The following ZNF778 variants were observed in gnomAD, a reference collection of about 807,000 sequenced individuals.
ZNF778 encodes zinc finger protein 778.
Under a neutral mutation model 23.9 loss-of-function variants are expected in ZNF778, and 37 were observed. The ratio of observed to expected loss-of-function variants is 1.54; its 90% confidence interval spans 1.19 to 2.03. The LOEUF (loss-of-function observed/expected upper bound fraction) is 2.03. ZNF778 is among the 30% of genes most tolerant of loss of function. ZNF778 has a pLI of 0.00. For missense variants in ZNF778, 1,297 were observed against 934.4 expected (o/e 1.39, Z -5.06); for synonymous variants, 483 against 343.9 (o/e 1.40, Z -4.48).
rs764260598 is a variant in ZNF778, at chr16:89,226,834, T to C, written c.546T>C (p.Phe182=). 1.1e-5 allele frequency: 18 copies of C among 1,613,898 alleles called. No individual in the cohort carries two copies. In the East Asian group the frequency reaches 4.0e-4, roughly 36 times the overall value. ...SCVSNHYERD[F]FIPCQKTLFK... ...TGTCTAATCATTATGAAAGGGACTTTTTTATTCCATGCCAGAAAACCTTGT... is the reference window on the plus strand; with the variant it reads ...TGTCTAATCATTATGAAAGGGACTTCTTTATTCCATGCCAGAAAACCTTGT... The change falls in exon 7 of 7, where the codon TTT becomes TTC. Residue 182 remains phenylalanine (F), a synonymous_variant. Coordinates refer to ENST00000433976, the MANE Select transcript of ZNF778 (RefSeq NM_001201407.2).
chr16:89,228,090 C>T lies in ZNF778; in HGVS notation c.1802C>T (p.Ser601Phe). The T allele has an allele frequency of 6.2e-7, 1 of 1,613,020 alleles. No homozygotes were observed. The highest frequency in any genetic ancestry group is 8.5e-7 in the Non-Finnish European group (1 of 1,179,168). ...GACTGTGGGAAAACATTCACTGTTT[C>T]TTCGAGCCTAACCGAGCACATACGA... Reference protein sequence around the residue: ...CKDCGKTFTVSSSLTEHIRTH... With the variant: ...CKDCGKTFTVFSSLTEHIRTH... Residue 601 changes from serine (S) to phenylalanine (F), a missense_variant, in exon 7 of 7, where the codon TCT becomes TTT. Physicochemically the swap from Ser to Phe is radical, Grantham distance 155. Coordinates refer to ENST00000433976, the MANE Select transcript of ZNF778 (RefSeq NM_001201407.2).
chr16:89,224,625 T>C (rs1236338523), intron 4 of ZNF778, 94 bp from the exon 5 acceptor site: 4 of 938,488 alleles, frequency 4.3e-6, no homozygotes, highest in East Asian at 2.7e-5. Flanking sequence ...TCTCAAAAAA[T>C]AATAAAAAAA....
rs1188243902 is a variant in ZNF778, at chr16:89,233,732, G to A, written c.*5170G>A. On this transcript the variant is annotated 3_prime_UTR_variant, in exon 7 of 7. Coordinates refer to ENST00000433976, the MANE Select transcript of ZNF778 (RefSeq NM_001201407.2). ...ACTCACTGCGTATGCAACTCAACTC[G>A]CACTGCATATGCAACTCAACTCGCA... 2.3e-4 allele frequency: 227 copies of A among 996,120 alleles called. 12 individuals are homozygous for A. The highest frequency in any genetic ancestry group is 2.6e-4 in the Non-Finnish European group (205 of 798,704). The allele number at this position is 996,120 out of a possible 1,614,324, so 61.7% of individuals were successfully genotyped here. A position where few individuals can be genotyped will look rare whatever the true frequency, so the allele number is the denominator to read the frequency against.
At chr16:89,221,190 C>T (rs1339745048) in intron 2 of ZNF778, 38 bp downstream of exon 2, 1 of 1,487,136 alleles carries the variant, frequency 6.7e-7, no homozygotes, top group Non-Finnish European at 9.0e-7. Context: ...AGCCTCTGCT[C>T]TAGGTCCTGA....
In ZNF778 at chr16:89,228,589, C is replaced by G. The variant is rs60990096; in HGVS notation, c.*27C>G. The stretch of plus-strand genomic sequence containing the variant: ...GTAAAGAATGTGGGGAAGCTGTCAG[C>G]TACACTCATTCACGTTGAAGACATG... On this transcript the variant is annotated 3_prime_UTR_variant, in exon 7 of 7. Coordinates refer to ENST00000433976, the MANE Select transcript of ZNF778 (RefSeq NM_001201407.2). 2,134 of 1,543,740 alleles carry G rather than the reference C, an allele frequency of 1.4e-3. 32 individuals are homozygous for G. In the African/African-American group the frequency reaches 0.026, roughly 19 times the overall value.
At chr16:89,222,486 C>A (rs964855042) in intron 3 of ZNF778, among the ~76,000 whole-genome samples, 34 of 152,220 alleles carry the variant, frequency 2.2e-4, no homozygotes, top group Non-Finnish European at 2.9e-5. Context: ...GCCTCAGCCT[C>A]CCAAGTAGCT....
chr16:89,227,862 G>A lies in ZNF778; in HGVS notation c.1574G>A (p.Arg525Gln), dbSNP rs747362732. ...CGCTCAGGCCTCACTAAACACATGC[G>A]GACACACACCGGGGAGAAGCCCTAT... ...TGRSGLTKHM[R>Q]THTGEKPYEC... The change falls in exon 7 of 7, where the codon CGG (arginine) becomes CAG (glutamine). Residue 525 changes from arginine (R) to glutamine (Q), a missense_variant. Transcript: ENST00000433976. 18 of 1,612,428 alleles carry A rather than the reference G, an allele frequency of 1.1e-5. No homozygotes were observed. The highest frequency in any genetic ancestry group is 1.1e-4 in the South Asian group (10 of 90,828).
At position 89,228,338 on chromosome 16, in the gene ZNF778, G is replaced by A; in HGVS notation, c.2050G>A (p.Ala684Thr). 1.2e-6 allele frequency: 2 copies of A among 1,613,658 alleles called. No homozygotes were observed. Among genetic ancestry groups the A allele is most frequent in the Non-Finnish European group, 1.7e-6 (2 of 1,179,700 alleles). The change falls in exon 7 of 7, where the codon GCC becomes ACC. Residue 684 changes from alanine to threonine, a missense_variant. By Grantham distance (58) the Ala-to-Thr change is moderately conservative (BLOSUM62 0). Coordinates refer to ENST00000433976, the MANE Select transcript of ZNF778 (RefSeq NM_001201407.2). ...TAACGAGTGTGGGAAAGCCTTCCGT[G>A]CCTCCTCTCACCTGCATAAACATGG... ...ICNECGKAFR[A>T]SSHLHKHGRI...
At chr16:89,218,856 C>T (rs190538561) in intron 1 of ZNF778, among the ~76,000 whole-genome samples, 1 of 151,874 alleles carries the variant, frequency 6.6e-6, no homozygotes, top group East Asian at 1.9e-4. Context: ...GCCTGTAATC[C>T]TAGCACTTTG....
At position 89,234,070 on chromosome 16, in the gene ZNF778, G is replaced by A. The variant is rs912456874; in HGVS notation, c.*5508G>A. 2 of 674,826 alleles carry A rather than the reference G, an allele frequency of 3.0e-6. No homozygotes were observed. Among genetic ancestry groups the A allele is most frequent in the Non-Finnish European group, 4.7e-6 (2 of 426,972 alleles). 41.8% of individuals were successfully genotyped at this position (674,826 alleles called of 1,614,324 possible). A position where few individuals can be genotyped will look rare whatever the true frequency, so the allele number is the denominator to read the frequency against. On this transcript the variant is annotated 3_prime_UTR_variant, in exon 7 of 7. Coordinates refer to ENST00000433976, the MANE Select transcript of ZNF778 (RefSeq NM_001201407.2). ...CTTCTGCCTCCTGCCCAGCTCTGCA[G>A]CTCCCCTTGGGCCCTGCCTGGAGTG...
intron 3 of ZNF778, among the ~76,000 whole-genome samples, chr16:89,222,686 C>A (rs979106976): frequency 2.0e-5 from 3 of 152,224 alleles, no homozygotes; most frequent in Non-Finnish European, 4.4e-5. Context: ...ATTATTTTCA[C>A]CCTTGTGCCA....
chr16:89,219,201 G>T (rs1244564280), intron 1 of ZNF778, among the ~76,000 whole-genome samples: 1 of 152,222 alleles, frequency 6.6e-6, no homozygotes, highest in Non-Finnish European at 1.5e-5. Context: ...ACATTGCGCT[G>T]TTGGGTATTT....
intron 4 of ZNF778, 178 bp from the exon 5 acceptor site, chr16:89,224,541 C>A: frequency 2.0e-6 from 1 of 511,628 alleles, no homozygotes; most frequent in Non-Finnish European, 3.6e-6. Flanking sequence ...ATCACTTGAA[C>A]CCAGGAGGCA....
rs757419412 is a variant in ZNF778, at chr16:89,222,216, C to T, written c.117+33C>T. The T allele has an allele frequency of 2.0e-6, 3 of 1,515,090 alleles. No individual in the cohort carries two copies. The African/African-American group carries it at 4.1e-5, about 21-fold the overall frequency. 93.9% of individuals were successfully genotyped at this position (1,515,090 alleles called of 1,614,324 possible). On this transcript the variant is annotated intron_variant, in intron 3 of 6. Coordinates refer to ENST00000433976, the MANE Select transcript of ZNF778 (RefSeq NM_001201407.2). ...AAAACTGTATTTTTTCTTAAAATAA[C>T]ATACTGGTATTCAGCAGATAGACAA...
At position 89,225,419 on chromosome 16, in the gene ZNF778, T is replaced by C; in HGVS notation, c.329-136T>C. 4.7e-6 allele frequency: 3 copies of C among 633,556 alleles called. No individual in the cohort carries two copies. The Admixed American group carries it at 9.0e-5, about 19-fold the overall frequency. 39.2% of individuals were successfully genotyped at this position (633,556 alleles called of 1,614,324 possible). A position where few individuals can be genotyped will look rare whatever the true frequency, so the allele number is the denominator to read the frequency against. On this transcript the variant is annotated intron_variant, in intron 5 of 6. Coordinates refer to ENST00000433976, the MANE Select transcript of ZNF778 (RefSeq NM_001201407.2). ...AATCTTCTAAATTATGACTCCCAGT[T>C]CCTATGATTCCAAATTTTACACATA...
intron 1 of ZNF778, among the ~76,000 whole-genome samples, chr16:89,219,232 A>T (rs947469431): frequency 6.6e-6 from 1 of 152,228 alleles, no homozygotes; most frequent in African/African-American, 2.4e-5. Flanking sequence ...GAGCCCTTCA[A>T]GGTTTATCTG....
intron 4 of ZNF778, 185 bp from the exon 5 acceptor site, chr16:89,224,534 A>T: frequency 4.0e-6 from 2 of 500,034 alleles, no homozygotes; most frequent in South Asian, 4.5e-5. Context: ...CAAGAGAATC[A>T]CTTGAACCCA....
Position 89,222,047 on chromosome 16 carries a change from G to A in ZNF778, c.26-45G>A, listed in dbSNP as rs535561785. 1.8e-5 allele frequency: 25 copies of A among 1,426,800 alleles called. No homozygotes were observed. In the African/African-American group the frequency reaches 1.9e-4, roughly 11 times the overall value. The allele number at this position is 1,426,800 out of a possible 1,614,324, so 88.4% of individuals were successfully genotyped here. A position where few individuals can be genotyped will look rare whatever the true frequency, so the allele number is the denominator to read the frequency against. On this transcript the variant is annotated intron_variant, in intron 2 of 6. Transcript: ENST00000433976. ...CCGGGTCCATGAGTGTGGAATTAGGGTCAGCTCTGGGTTCTCATGCCTTCT... is the reference window on the plus strand; with the variant it reads ...CCGGGTCCATGAGTGTGGAATTAGGATCAGCTCTGGGTTCTCATGCCTTCT...
At position 89,234,018 on chromosome 16, in the gene ZNF778, T is replaced by C. The variant is rs539167723; in HGVS notation, c.*5456T>C. ...TGTCCTGCCTTTCCTGTGAAAACCCTGTGGCCTCTGCCTCCCCTGGCTCTG... is the reference window on the plus strand; with the variant it reads ...TGTCCTGCCTTTCCTGTGAAAACCCCGTGGCCTCTGCCTCCCCTGGCTCTG... On this transcript the variant is annotated 3_prime_UTR_variant, in exon 7 of 7. Transcript: ENST00000433976. The C allele has an allele frequency of 5.5e-6, 6 of 1,092,616 alleles. No individual in the cohort carries two copies. The African/African-American group carries it at 8.0e-5, about 15-fold the overall frequency. The allele number at this position is 1,092,616 out of a possible 1,614,324, so 67.7% of individuals were successfully genotyped here. A position where few individuals can be genotyped will look rare whatever the true frequency, so the allele number is the denominator to read the frequency against.
Sources: allele counts gnomAD v4.1 joint callset (sites outside exome capture counted in the v4.1 genomes callset), GRCh38; gene constraint gnomAD v4.1.1; transcripts MANE v1.5; gene names NCBI Gene and HGNC (gene_info 2026-07-23, HGNC 2026-07-21).